The following DLG2 variants were observed in gnomAD, a reference collection of about 807,000 sequenced individuals.
The protein encoded by DLG2 is discs large MAGUK scaffold protein 2.
A neutral mutation model predicts 132.5 loss-of-function variants in DLG2; 45 were observed. The observed-to-expected ratio is 0.34, with a 90% CI of 0.27 to 0.44. The LOEUF (loss-of-function observed/expected upper bound fraction) is 0.44. DLG2 is among the 20% of genes least tolerant of loss of function. The probability of loss-of-function intolerance (pLI) is 1.00; values close to 1 mark genes in which losing one functional copy is unlikely to be tolerated. For synonymous variants in DLG2, 424 were observed against 419.6 expected (o/e 1.01, Z -0.13); for missense variants, 1,045 against 1,196.9 (o/e 0.87, Z 1.87).
At chr11:85,242,094 G>C (rs1222965584) in intron 4 of DLG2, among the ~76,000 whole-genome samples, 1 of 151,930 alleles carries the variant, frequency 6.6e-6, no homozygotes. Context: ...GTCCCAAAGA[G>C]TATGCCAGCC....
chr11:85,603,585 T>G (rs954590601), intron 2 of DLG2, among the ~76,000 whole-genome samples: 1 of 152,068 alleles, frequency 6.6e-6, no homozygotes, highest in Non-Finnish European at 1.5e-5. Flanking sequence ...TTCTGTGGCA[T>G]TGTTGTAGGT....
chr11:85,181,979 T>C lies in DLG2; in HGVS notation c.187-27328A>G, dbSNP rs185535452. ...TTTTGTATTTTTCAAATTTGCCTCA[T>C]CTTTGTGATGTGGAAATTTGTATGG... is the stretch of plus-strand genomic sequence containing the variant. On this transcript the variant is annotated intron_variant, in intron 4 of 27. Coordinates refer to ENST00000376104, the MANE Select transcript of DLG2 (RefSeq NM_001142699.3). Among the ~76,000 whole-genome samples, 264 of 152,030 alleles carry C rather than the reference T, an allele frequency of 1.7e-3. 1 individual carries two copies. The highest frequency in any genetic ancestry group is 6.2e-3 in the African/African-American group (259 of 41,524).
chr11:85,222,241 C>T (rs936672680), intron 4 of DLG2, among the ~76,000 whole-genome samples: 7 of 152,130 alleles, frequency 4.6e-5, no homozygotes, highest in Non-Finnish European at 1.0e-4. Flanking sequence ...TCTGGTATTA[C>T]AGGCATGAGC....
At chr11:84,913,267 G>A (rs551038731) in intron 6 of DLG2, among the ~76,000 whole-genome samples, 1 of 152,330 alleles carries the variant, frequency 6.6e-6, no homozygotes, top group East Asian at 1.9e-4. Flanking sequence ...GACAATGTTA[G>A]GAGACTAGCT....
intron 16 of DLG2, among the ~76,000 whole-genome samples, chr11:83,838,047 C>A (rs891076455): frequency 6.8e-6 from 1 of 146,086 alleles, no homozygotes; most frequent in Non-Finnish European, 1.5e-5. Context: ...CTATATAGTA[C>A]ATATAGATGG....
chr11:84,730,153 T>A (rs1269342734), intron 6 of DLG2, among the ~76,000 whole-genome samples: 1 of 152,036 alleles, frequency 6.6e-6, no homozygotes, highest in Non-Finnish European at 1.5e-5. Context: ...AAATTTGATG[T>A]CAATGTTGAA....
chr11:84,735,369 G>T (rs2063695945), intron 6 of DLG2, among the ~76,000 whole-genome samples: 1 of 152,036 alleles, frequency 6.6e-6, no homozygotes, highest in East Asian at 1.9e-4. Flanking sequence ...GTCTTGGGAG[G>T]ATATATGTGT....
At chr11:83,817,189 G>C (rs1192060304) in intron 17 of DLG2, among the ~76,000 whole-genome samples, 2 of 152,192 alleles carry the variant, frequency 1.3e-5, no homozygotes, top group Admixed American at 6.5e-5. Context: ...GGTAAGTGCT[G>C]TCATAGGAAG....
At chr11:83,676,929 A>C (rs998123565) in intron 18 of DLG2, among the ~76,000 whole-genome samples, 6 of 152,192 alleles carry the variant, frequency 3.9e-5, no homozygotes, top group African/African-American at 1.4e-4. Context: ...GTCCATGCTT[A>C]ATAAATAACT....
Position 84,928,982 on chromosome 11 carries a change from GTATATATATATA to G in DLG2, c.357+182667_357+182678del, listed in dbSNP as rs58945482. Among the ~76,000 whole-genome samples the G allele has an allele frequency of 6.1e-3, 300 of 49,120 alleles. 3 individuals are homozygous for G. The highest frequency in any genetic ancestry group is 0.021 in the African/African-American group (229 of 11,112). 32.2% of individuals were successfully genotyped at this position (49,120 alleles called of 152,430 possible). A position where few individuals can be genotyped will look rare whatever the true frequency, so the allele number is the denominator to read the frequency against. On this transcript the variant is annotated intron_variant, in intron 6 of 27. Transcript: ENST00000376104. ...TATGTGTGTGTGTGTGTGTGTGTGT[GTATATATATATA>G]TATATATATATATATATATATATAT... is the stretch of plus-strand genomic sequence containing the variant.
intron 7 of DLG2, among the ~76,000 whole-genome samples, chr11:84,470,332 A>G (rs1024030475): frequency 1.3e-5 from 2 of 151,784 alleles, no homozygotes; most frequent in Non-Finnish European, 2.9e-5. Flanking sequence ...AGTTGCTTTC[A>G]TCTGCTCATT....
At chr11:85,368,888 C>T (rs950573770) in intron 3 of DLG2, among the ~76,000 whole-genome samples, 1 of 152,206 alleles carries the variant, frequency 6.6e-6, no homozygotes, top group Non-Finnish European at 1.5e-5. Context: ...CCTTTTCTTC[C>T]TGTGTGGAGC....
At chr11:84,690,541 G>A (rs927991450) in intron 6 of DLG2, among the ~76,000 whole-genome samples, 2 of 151,668 alleles carry the variant, frequency 1.3e-5, no homozygotes, top group African/African-American at 2.4e-5. Flanking sequence ...GCGTGGGAAA[G>A]AAATTAAAAA....
intron 21 of DLG2, among the ~76,000 whole-genome samples, chr11:83,502,692 C>A (rs889512266): frequency 4.9e-4 from 74 of 152,226 alleles, no homozygotes; most frequent in African/African-American, 1.7e-3. Flanking sequence ...TCTTTACTGG[C>A]TGGTCTTACA....
At chr11:84,803,669 G>A (rs941554532) in intron 6 of DLG2, among the ~76,000 whole-genome samples, 1 of 152,166 alleles carries the variant, frequency 6.6e-6, no homozygotes, top group Non-Finnish European at 1.5e-5. Context: ...TGTGCCTTTA[G>A]GTTTTACATT....
At chr11:84,838,417 G>T (rs759814657) in intron 6 of DLG2, among the ~76,000 whole-genome samples, 11 of 151,660 alleles carry the variant, frequency 7.3e-5, no homozygotes, top group Non-Finnish European at 1.5e-4. Flanking sequence ...AAAAAAGGAG[G>T]ATGCCATGTT....
intron 7 of DLG2, among the ~76,000 whole-genome samples, chr11:84,384,379 G>C (rs2098760460): frequency 6.6e-6 from 1 of 151,908 alleles, no homozygotes; most frequent in African/African-American, 2.4e-5. Flanking sequence ...AAAAATTTGA[G>C]CTTTATCCAA....
At chr11:84,167,730 G>C (rs1193195388) in intron 8 of DLG2, among the ~76,000 whole-genome samples, 3 of 151,908 alleles carry the variant, frequency 2.0e-5, no homozygotes, top group Non-Finnish European at 4.4e-5. Context: ...ACAGTGGTGC[G>C]ATCTTGGCTC....
chr11:84,919,135 A>T (rs1566392103), intron 6 of DLG2, among the ~76,000 whole-genome samples: 1 of 152,100 alleles, frequency 6.6e-6, no homozygotes, highest in Admixed American at 6.6e-5. Context: ...ATTGAAGGCA[A>T]CTCTGAAGCC....
Sources: allele counts gnomAD v4.1 joint callset (sites outside exome capture counted in the v4.1 genomes callset), GRCh38; gene constraint gnomAD v4.1.1; transcripts MANE v1.5; gene names NCBI Gene and HGNC (gene_info 2026-07-23, HGNC 2026-07-21).